Variants in NDST3 observed in about 807,000 individuals in gnomAD.
NDST3 encodes the protein bifunctional heparan sulfate N-deacetylase/N-sulfotransferase 3.
A neutral mutation model predicts 96.1 loss-of-function variants in NDST3; 58 were observed. The ratio of observed to expected loss-of-function variants is 0.60; its 90% CI spans 0.49 to 0.75. NDST3 has a LOEUF of 0.75. NDST3 is among the 30% of genes least tolerant of loss of function. NDST3 has a pLI of 0.00. For missense variants in NDST3, 788 were observed against 1,034.2 expected (o/e 0.76, Z 3.27); for synonymous variants, 333 against 359.7 (o/e 0.93, Z 0.84).
rs76493261 is a variant in NDST3, at chr4:118,058,785, C to A, written c.981+3894C>A. 4.7e-3 allele frequency among the ~76,000 whole-genome samples: 719 copies of A among 151,992 alleles called. 6 individuals are homozygous for A. The highest frequency in any genetic ancestry group is 0.017 in the African/African-American group (689 of 41,492). On this transcript the variant is annotated intron_variant, in intron 2 of 13. Coordinates refer to ENST00000296499, the MANE Select transcript of NDST3 (RefSeq NM_004784.3). ...TGGGAGAGAGAAAGTGATGTTTCTA[C>A]AATTAAAAAAAGCTTCTACCATTAA...
intron 2 of NDST3, among the ~76,000 whole-genome samples, chr4:118,067,113 T>C (rs965799882): frequency 9.9e-5 from 15 of 151,334 alleles, no homozygotes; most frequent in African/African-American, 3.1e-4. Context: ...TTAGAGTTGC[T>C]GCCAATGGGG....
At chr4:118,131,165 T>C (rs561452944) in intron 4 of NDST3, among the ~76,000 whole-genome samples, 1 of 152,314 alleles carries the variant, frequency 6.6e-6, no homozygotes, top group Admixed American at 6.5e-5. Flanking sequence ...TTTACCCTTA[T>C]CTGTTTCTCT....
intron 8 of NDST3, among the ~76,000 whole-genome samples, chr4:118,228,319 T>A (rs559948687): frequency 1.3e-4 from 20 of 152,240 alleles, no homozygotes; most frequent in Middle Eastern, 3.2e-3. Flanking sequence ...GAACTCCCAG[T>A]CATCACATAA....
At chr4:118,133,324 G>A (rs892385690) in intron 4 of NDST3, among the ~76,000 whole-genome samples, 2 of 152,116 alleles carry the variant, frequency 1.3e-5, no homozygotes, top group African/African-American at 4.8e-5. Context: ...AGCAGAGCAT[G>A]GATTTGCTCT....
chr4:118,223,981 T>C (rs192332214), intron 6 of NDST3, among the ~76,000 whole-genome samples: 1 of 152,248 alleles, frequency 6.6e-6, no homozygotes, highest in East Asian at 1.9e-4. Flanking sequence ...ACCTGCAGAG[T>C]TCAAATTTAT....
chr4:118,132,522 C>A (rs976743911), intron 4 of NDST3, among the ~76,000 whole-genome samples: 1 of 152,134 alleles, frequency 6.6e-6, no homozygotes, highest in Non-Finnish European at 1.5e-5. Flanking sequence ...TAGGCCTGGA[C>A]TCAGAGACCC....
chr4:118,130,328 G>T (rs1560665028), intron 4 of NDST3, among the ~76,000 whole-genome samples: 1 of 151,704 alleles, frequency 6.6e-6, no homozygotes, highest in Non-Finnish European at 1.5e-5. Context: ...TTAACTTCTT[G>T]CTTGTTTCTG....
intron 10 of NDST3, among the ~76,000 whole-genome samples, chr4:118,237,582 A>G (rs1207742361): frequency 6.6e-6 from 1 of 152,174 alleles, no homozygotes; most frequent in Non-Finnish European, 1.5e-5. Flanking sequence ...TGTACTCTAT[A>G]AAGAGTCAGA....
chr4:118,222,261 T>C (rs1164003785), intron 6 of NDST3, among the ~76,000 whole-genome samples: 1 of 151,960 alleles, frequency 6.6e-6, no homozygotes, highest in East Asian at 1.9e-4. Flanking sequence ...CAAAACATTC[T>C]TGTTATATAT....
chr4:118,101,029 TCAAA>T (rs1430592936), intron 2 of NDST3, among the ~76,000 whole-genome samples: 8 of 152,080 alleles, frequency 5.3e-5, no homozygotes, highest in African/African-American at 1.9e-4. Flanking sequence ...AGTACTGTGC[TCAAA>T]CAAAAATATT....
chr4:118,066,188 C>A (rs528621441), intron 2 of NDST3, among the ~76,000 whole-genome samples: 5,552 of 12,832 alleles, frequency 0.43, 289 homozygotes, highest in Non-Finnish European at 0.5. Flanking sequence ...TATTATATAT[C>A]TTATATATTA....
At chr4:118,098,308 T>G (rs1018505017) in intron 2 of NDST3, among the ~76,000 whole-genome samples, 1 of 151,960 alleles carries the variant, frequency 6.6e-6, no homozygotes, top group Non-Finnish European at 1.5e-5. Flanking sequence ...CACAATTGAA[T>G]GAATGAGATT....
At chr4:118,099,063 G>A (rs1024858660) in intron 2 of NDST3, among the ~76,000 whole-genome samples, 3 of 152,020 alleles carry the variant, frequency 2.0e-5, no homozygotes, top group African/African-American at 4.8e-5. Flanking sequence ...AAGGATTTAA[G>A]ACCATATATC....
rs567422145 is a variant in NDST3 at position 118,151,703 on chromosome 4, A to G, written c.1539+8019A>G. Among the ~76,000 whole-genome samples, 10 of 152,306 alleles carry G rather than the reference A, an allele frequency of 6.6e-5. No individual in the cohort carries two copies. The South Asian group carries it at 2.1e-3, about 32-fold the overall frequency. ...CTAGAATCAAGGTTTCAGAATGGAA[A>G]ATGGCTCCAAATCTGCAATAGAACT... On this transcript the variant is annotated intron_variant, in intron 6 of 13. Coordinates refer to ENST00000296499, the MANE Select transcript of NDST3 (RefSeq NM_004784.3).
intron 5 of NDST3, among the ~76,000 whole-genome samples, chr4:118,141,339 G>A (rs1264506720): frequency 6.6e-6 from 1 of 152,020 alleles, no homozygotes; most frequent in Non-Finnish European, 1.5e-5. Flanking sequence ...CTCATCATTC[G>A]GTGCCACTGC....
At position 118,086,992 on chromosome 4, in the gene NDST3, A is replaced by G. The variant is rs936069561; in HGVS notation, c.982-18026A>G. On this transcript the variant is annotated intron_variant, in intron 2 of 13. Coordinates refer to ENST00000296499, the MANE Select transcript of NDST3 (RefSeq NM_004784.3). ...TTTATGGTCTAAGAAAAATGAATTG[A>G]AAGATTTGCCTAGATAAATTGTTAT... Among the ~76,000 whole-genome samples the G allele has an allele frequency of 4.6e-5, 7 of 152,162 alleles. No homozygotes were observed. The East Asian group carries it at 9.7e-4, about 21-fold the overall frequency.
chr4:118,113,398 G>A (rs1309294166), intron 3 of NDST3, among the ~76,000 whole-genome samples: 1 of 152,186 alleles, frequency 6.6e-6, no homozygotes, highest in Non-Finnish European at 1.5e-5. Context: ...GAGTACTTAA[G>A]CATGCGAAAG....
At chr4:118,091,393 T>C (rs1439746179) in intron 2 of NDST3, among the ~76,000 whole-genome samples, 3 of 151,968 alleles carry the variant, frequency 2.0e-5, no homozygotes, top group Admixed American at 6.6e-5. Context: ...TATTTTTCTT[T>C]GTAGAAACCA....
intron 2 of NDST3, among the ~76,000 whole-genome samples, chr4:118,095,452 C>T (rs995561039): frequency 3.3e-5 from 5 of 151,576 alleles, no homozygotes; most frequent in Admixed American, 2.6e-4. Flanking sequence ...GAGCATAGGA[C>T]ATGTATTGCA....
Sources: gnomAD v4.1 joint callset for allele counts (sites outside exome capture counted in the v4.1 genomes callset) on GRCh38, gnomAD v4.1.1 for gene constraint, MANE v1.5 for transcripts, NCBI Gene and HGNC (gene_info 2026-07-23, HGNC 2026-07-21) for gene names.